The following TENT4B variants were observed in gnomAD, a reference collection of about 807,000 sequenced individuals.
The protein encoded by TENT4B is PAP associated domain containing 5.
A neutral mutation model predicts 75.0 loss-of-function variants in TENT4B; 10 were observed. The ratio of observed to expected loss-of-function variants is 0.13; its 90% CI spans 0.08 to 0.23. The LOEUF is 0.23. Ranked by LOEUF, TENT4B falls within the 10% of genes least tolerant of loss-of-function variation. TENT4B has a pLI of 1.00. For missense variants in TENT4B, 579 were observed against 893.8 expected, an observed-to-expected ratio of 0.65 and a Z score of 4.49; for synonymous variants, 350 against 357.7, an observed-to-expected ratio of 0.98 and a Z score of 0.24.
chr16:50,226,710 C>G (rs1026340426), intron 10 of TENT4B, among the ~76,000 whole-genome samples: 4 of 152,146 alleles, frequency 2.6e-5, no homozygotes, highest in Non-Finnish European at 5.9e-5. Flanking sequence ...GCCACCACGC[C>G]TGGCCAAATT....
chr16:50,189,719 G>A (rs1195008728), intron 1 of TENT4B, among the ~76,000 whole-genome samples: 2 of 144,144 alleles, frequency 1.4e-5, no homozygotes, highest in Non-Finnish European at 3.0e-5. Flanking sequence ...TTCTACATTT[G>A]CATCAAAAAA....
intron 1 of TENT4B, among the ~76,000 whole-genome samples, chr16:50,200,583 G>A (rs1204927528): frequency 6.6e-6 from 1 of 152,034 alleles, no homozygotes; most frequent in Non-Finnish European, 1.5e-5. Flanking sequence ...ATTCTATTAG[G>A]TATATAATGC....
At chr16:50,211,263 G>T (rs2031262412) in intron 1 of TENT4B, 60 bp from the exon 2 acceptor site, 4 of 1,479,782 alleles carry the variant, frequency 2.7e-6, no homozygotes, top group Non-Finnish European at 1.8e-6. Flanking sequence ...GATTATTTAA[G>T]ATAGTGATTT....
chr16:50,201,064 A>T (rs969309440), intron 1 of TENT4B, among the ~76,000 whole-genome samples: 7 of 152,006 alleles, frequency 4.6e-5, no homozygotes, highest in Non-Finnish European at 8.8e-5. Context: ...AGCCTCCCAA[A>T]GTGCTGATTA....
Position 50,154,183 on chromosome 16 carries a change from G to T in TENT4B, c.562G>T (p.Gly188Cys), listed in dbSNP as rs1220413752. ...CAGCGGAGGGCGGGCCGCGGGGGGC[G>T]GCCGAGCAGACGGCGGCGGGGTCGT... Reference protein sequence around the residue: ...QPSGGRAAGGGRADGGGVVYS... With the variant: ...QPSGGRAAGGCRADGGGVVYS... The change falls in exon 1 of 12, where the codon GGC becomes TGC. Residue 188 changes from glycine (G) to cysteine (C), a missense_variant. Physicochemically the swap from Gly to Cys is radical, Grantham distance 159. Transcript: ENST00000561678. 7.3e-6 allele frequency: 11 copies of T among 1,507,626 alleles called. No homozygotes were observed. In the South Asian group the frequency reaches 1.1e-4, roughly 15 times the overall value. The allele number at this position is 1,507,626 out of a possible 1,614,324, so 93.4% of individuals were successfully genotyped here.
intron 1 of TENT4B, among the ~76,000 whole-genome samples, chr16:50,186,780 A>G (rs2038535725): frequency 6.6e-6 from 1 of 152,102 alleles, no homozygotes; most frequent in African/African-American, 2.4e-5. Flanking sequence ...TCTGTTGCCC[A>G]GGCTGGAGAA....
chr16:50,225,143 G>T lies in TENT4B; in HGVS notation c.1658G>T (p.Cys553Phe). Residue 553 changes from cysteine to phenylalanine, a missense_variant, in exon 10 of 12, where the codon TGT (cysteine) becomes TTT (phenylalanine). Physicochemically the swap from Cys to Phe is radical, Grantham distance 205 (BLOSUM62 -2). Coordinates refer to ENST00000561678, the MANE Select transcript of TENT4B (RefSeq NM_001365324.3). ...LIVDTQQLDK[C>F]NNNLSEENEA... is the part of the protein sequence containing the mutation. ...GTAGATACTCAGCAGTTAGATAAAT[G>T]TAATAATAATCTATCTGAAGAAAAT... 1 of 1,613,072 alleles carries T rather than the reference G, an allele frequency of 6.2e-7. No individual in the cohort carries two copies. Among genetic ancestry groups the T allele is most frequent in the Middle Eastern group, 1.6e-4 (1 of 6,062 alleles).
At chr16:50,214,183 A>T in intron 2 of TENT4B, 38 bp from the exon 3 acceptor site, 1 of 1,456,964 alleles carries the variant, frequency 6.9e-7, no homozygotes, top group Non-Finnish European at 9.5e-7. Flanking sequence ...ACAACTTCTG[A>T]TAACTCAATA....
At chr16:50,208,997 C>T (rs1438425769) in intron 1 of TENT4B, among the ~76,000 whole-genome samples, 1 of 152,226 alleles carries the variant, frequency 6.6e-6, no homozygotes, top group East Asian at 1.9e-4. Flanking sequence ...TCCCAAAGTG[C>T]TGGGATTACA....
chr16:50,166,312 T>A (rs1235659415), intron 1 of TENT4B, among the ~76,000 whole-genome samples: 1 of 152,144 alleles, frequency 6.6e-6, no homozygotes, highest in Non-Finnish European at 1.5e-5. Flanking sequence ...CTTGAACTCC[T>A]GATTTCAAGT....
chr16:50,176,486 C>A (rs1490508841), intron 1 of TENT4B, among the ~76,000 whole-genome samples: 1 of 138,534 alleles, frequency 7.2e-6, no homozygotes, highest in African/African-American at 2.6e-5. Flanking sequence ...CCATATATAC[C>A]AATAATTCTT....
chr16:50,187,861 C>G (rs1195512965), intron 1 of TENT4B, among the ~76,000 whole-genome samples: 7 of 151,812 alleles, frequency 4.6e-5, no homozygotes, highest in Non-Finnish European at 8.8e-5. Context: ...GACCCCATCT[C>G]TATATTTTAA....
At chr16:50,166,780 A>ATT (rs57856238) in intron 1 of TENT4B, among the ~76,000 whole-genome samples, 149 of 115,264 alleles carry the variant, frequency 1.3e-3, no homozygotes, top group African/African-American at 3.7e-3. Flanking sequence ...TGCCTGGCTA[A>ATT]TTTTTTTTTT....
chr16:50,179,085 G>A (rs1156951737), intron 1 of TENT4B, among the ~76,000 whole-genome samples: 8 of 151,236 alleles, frequency 5.3e-5, no homozygotes, highest in South Asian at 2.1e-4. Context: ...TATTCCAGCC[G>A]GGTGCGGTGG....
chr16:50,189,002 T>C (rs1485325846), intron 1 of TENT4B, among the ~76,000 whole-genome samples: 1 of 152,230 alleles, frequency 6.6e-6, no homozygotes, highest in Non-Finnish European at 1.5e-5. Context: ...CTGTGTTGCC[T>C]CTGCTTCCCT....
At chr16:50,228,057 T>G in intron 11 of TENT4B, 54 bp downstream of exon 11, 2 of 1,559,194 alleles carry the variant, frequency 1.3e-6, no homozygotes, top group South Asian at 1.2e-5. Flanking sequence ...ATATTTAGAA[T>G]TTCCCACATG....
chr16:50,221,303 A>G (rs1356825325), intron 5 of TENT4B, among the ~76,000 whole-genome samples: 1 of 152,210 alleles, frequency 6.6e-6, no homozygotes, highest in African/African-American at 2.4e-5. Context: ...ATAGCTGTTA[A>G]GACTTCTTTG....
Position 50,214,304 on chromosome 16 carries a change from T to TAA in TENT4B, c.809+38_809+39insAA, listed in dbSNP as rs770195526. On this transcript the variant is annotated intron_variant, in intron 3 of 11. Coordinates refer to ENST00000561678, the MANE Select transcript of TENT4B (RefSeq NM_001365324.3). ...CATGAATCTTTCAAAGGACTTTTCT[T>TAA]AGAGTGTATTCATTTTGGCTGTCAA... 2.0e-6 allele frequency: 3 copies of TAA among 1,479,314 alleles called. No individual in the cohort carries two copies. In the African/African-American group the frequency reaches 4.2e-5, roughly 21 times the overall value. The allele number at this position is 1,479,314 out of a possible 1,614,324, so 91.6% of individuals were successfully genotyped here. A position where few individuals can be genotyped will look rare whatever the true frequency, so the allele number is the denominator to read the frequency against.
Position 50,162,931 on chromosome 16 carries a change from G to T in TENT4B, c.638+8672G>T, listed in dbSNP as rs574996085. ...ACCTGTGGTTAGTGGTTTGTTGTTG[G>T]TGGTGGTAAAGTTTTCTTACAGTAT... is the stretch of plus-strand genomic sequence containing the variant. On this transcript the variant is annotated intron_variant, in intron 1 of 11. Transcript: ENST00000561678. 4.7e-4 allele frequency among the ~76,000 whole-genome samples: 71 copies of T among 152,266 alleles called. 1 individual carries two copies. The highest frequency in any genetic ancestry group is 1.2e-3 in the East Asian group (6 of 5,184).
Sources: allele counts gnomAD v4.1 joint callset (sites outside exome capture counted in the v4.1 genomes callset), GRCh38; gene constraint gnomAD v4.1.1; transcripts MANE v1.5; gene names NCBI Gene and HGNC (gene_info 2026-07-23, HGNC 2026-07-21).